Variants in GRIK4 observed in about 807,000 individuals in gnomAD.
The protein encoded by GRIK4 is glutamate receptor ionotropic, kainate 4.
Under a neutral mutation model 104.9 loss-of-function variants are expected in GRIK4, and 40 were observed. The ratio of observed to expected loss-of-function variants is 0.38; its 90% CI spans 0.30 to 0.50. The LOEUF is 0.50. Ranked by LOEUF, GRIK4 falls within the 20% of genes least tolerant of loss-of-function variation. GRIK4 has a pLI of 0.93. For synonymous variants in GRIK4, 485 were observed against 524.9 expected, an observed-to-expected ratio of 0.92 and a Z score of 1.04; for missense variants, 1,047 against 1,308.1, an observed-to-expected ratio of 0.80 and a Z score of 3.08.
chr11:120,912,863 G>A (rs1329191945), intron 13 of GRIK4, among the ~76,000 whole-genome samples: 1 of 152,212 alleles, frequency 6.6e-6, no homozygotes, highest in African/African-American at 2.4e-5. Flanking sequence ...GTAAAAGGTA[G>A]GCGGGATGGA....
At chr11:120,842,963 G>A (rs1953754543) in intron 8 of GRIK4, among the ~76,000 whole-genome samples, 1 of 152,246 alleles carries the variant, frequency 6.6e-6, no homozygotes, top group African/African-American at 2.4e-5. Flanking sequence ...AGAGAGATAT[G>A]CAGTCACTGC....
Position 120,981,026 on chromosome 11 carries a change from C to T in GRIK4, c.2396-1080C>T, listed in dbSNP as rs77142016. ...GCGAAGCTGACTGCCCCGACACTGA[C>T]GAGGCTCCATGTTCTGTGAGGACAT... On this transcript the variant is annotated intron_variant, in intron 19 of 20. Coordinates refer to ENST00000527524, the MANE Select transcript of GRIK4 (RefSeq NM_014619.5). Among the ~76,000 whole-genome samples, 57 of 152,182 alleles carry T rather than the reference C, an allele frequency of 3.7e-4. No homozygotes were observed. In the East Asian group the frequency reaches 8.5e-3, roughly 23 times the overall value.
rs569479859 is a variant in GRIK4 at position 120,780,178 on chromosome 11, AACT to A, written c.83-22511_83-22509del. Among the ~76,000 whole-genome samples the A allele has an allele frequency of 2.5e-3, 375 of 152,352 alleles. 2 individuals are homozygous for A. Among genetic ancestry groups the A allele is most frequent in the Non-Finnish European group, 4.6e-3 (310 of 68,034 alleles). On this transcript the variant is annotated intron_variant, in intron 3 of 20. Transcript: ENST00000527524. ...TTTAATTTTGGTAAAATACACATAA[AACT>A]ACTGTTTTAACCAATTTTTAGTGTA...
chr11:120,826,992 A>G (rs371115491), intron 6 of GRIK4, among the ~76,000 whole-genome samples: 1 of 152,118 alleles, frequency 6.6e-6, no homozygotes, highest in Non-Finnish European at 1.5e-5. Context: ...TTAGGACACT[A>G]TGTGCCATAT....
At chr11:120,911,555 T>C (rs1035123136) in intron 13 of GRIK4, among the ~76,000 whole-genome samples, 6 of 145,000 alleles carry the variant, frequency 4.1e-5, no homozygotes, top group African/African-American at 1.5e-4. Flanking sequence ...TCTTTAAAGA[T>C]AATAGGCTGG....
intron 1 of GRIK4, among the ~76,000 whole-genome samples, chr11:120,578,608 C>T (rs1269806060): frequency 2.6e-5 from 4 of 152,234 alleles, no homozygotes; most frequent in Non-Finnish European, 4.4e-5. Flanking sequence ...ATGCTTAGTA[C>T]AGTGCCAGAC....
chr11:120,774,948 G>A (rs1181123387), intron 3 of GRIK4, among the ~76,000 whole-genome samples: 1 of 152,186 alleles, frequency 6.6e-6, no homozygotes, highest in African/African-American at 2.4e-5. Context: ...CTACCACAGG[G>A]GTGAGAGACG....
At chr11:120,588,664 C>A (rs972962845) in intron 1 of GRIK4, among the ~76,000 whole-genome samples, 32 of 152,048 alleles carry the variant, frequency 2.1e-4, no homozygotes, top group African/African-American at 6.8e-4. Flanking sequence ...AAGAGTTTGG[C>A]GGCAGGGGAT....
intron 3 of GRIK4, among the ~76,000 whole-genome samples, chr11:120,776,415 C>T (rs897726212): frequency 7.9e-5 from 12 of 152,102 alleles, no homozygotes; most frequent in African/African-American, 2.9e-4. Context: ...TCTTTTTTGC[C>T]TGACCTCATT....
intron 1 of GRIK4, among the ~76,000 whole-genome samples, chr11:120,607,562 T>A (rs892738971): frequency 2.0e-5 from 3 of 152,040 alleles, no homozygotes; most frequent in African/African-American, 7.3e-5. Context: ...GAGTGGCCAT[T>A]TGGGGGCAGA....
chr11:120,706,107 G>A (rs1032616768), intron 3 of GRIK4, among the ~76,000 whole-genome samples: 1 of 152,142 alleles, frequency 6.6e-6, no homozygotes, highest in Non-Finnish European at 1.5e-5. Flanking sequence ...CAAGTCCATT[G>A]GATGTCAGCT....
At chr11:120,884,715 C>A (rs1272694130) in intron 11 of GRIK4, among the ~76,000 whole-genome samples, 5 of 152,256 alleles carry the variant, frequency 3.3e-5, no homozygotes, top group Non-Finnish European at 7.3e-5. Context: ...CAAAGGCCTG[C>A]CCGACAGAGC....
intron 20 of GRIK4, among the ~76,000 whole-genome samples, chr11:120,983,243 T>G (rs1944682231): frequency 6.6e-6 from 1 of 152,182 alleles, no homozygotes; most frequent in South Asian, 2.1e-4. Flanking sequence ...TGAACGTGTC[T>G]GCCATATTTC....
intron 1 of GRIK4, among the ~76,000 whole-genome samples, chr11:120,589,916 T>A (rs1414394365): frequency 6.6e-6 from 1 of 152,054 alleles, no homozygotes; most frequent in Admixed American, 6.5e-5. Context: ...ACCTCAAAGG[T>A]CATTGGACCC....
At chr11:120,659,607 T>C (rs4936538) in intron 2 of GRIK4, among the ~76,000 whole-genome samples, 82,807 of 152,010 alleles carry the variant, frequency 0.54, 24,192 homozygotes, top group East Asian at 0.7. Context: ...GAACCCAGTT[T>C]CCTCTCACAC....
At chr11:120,553,098 A>G (rs1256756209) in intron 1 of GRIK4, among the ~76,000 whole-genome samples, 1 of 152,152 alleles carries the variant, frequency 6.6e-6, no homozygotes, top group Non-Finnish European at 1.5e-5. Flanking sequence ...ATGCATCTCC[A>G]GTTACCTTCT....
At chr11:120,891,597 G>A (rs185786850) in intron 11 of GRIK4, among the ~76,000 whole-genome samples, 6 of 152,250 alleles carry the variant, frequency 3.9e-5, no homozygotes, top group Non-Finnish European at 8.8e-5. Flanking sequence ...CACTTAACTC[G>A]ATTTTATTGA....
At chr11:120,736,781 TCC>T (rs112147161) in intron 3 of GRIK4, among the ~76,000 whole-genome samples, 1 of 150,474 alleles carries the variant, frequency 6.6e-6, no homozygotes, top group African/African-American at 2.4e-5. Context: ...TCTCTCTCTC[TCC>T]CCTCACCCTG....
chr11:120,969,858 TC>T (rs902469893), intron 19 of GRIK4, among the ~76,000 whole-genome samples: 11 of 152,254 alleles, frequency 7.2e-5, no homozygotes, highest in African/African-American at 2.4e-4. Flanking sequence ...TGTCTAGGTA[TC>T]TTTCTTCCTA....
Sources: allele counts gnomAD v4.1 joint callset (sites outside exome capture counted in the v4.1 genomes callset), GRCh38; gene constraint gnomAD v4.1.1; transcripts MANE v1.5; gene names NCBI Gene and HGNC (gene_info 2026-07-23, HGNC 2026-07-21).